Variants in GRIP1 observed in about 807,000 individuals in gnomAD.
GRIP1 encodes glutamate receptor interacting protein 1, also known as glutamate receptor-interacting protein 1.
Under a neutral mutation model 129.9 loss-of-function variants are expected in GRIP1, and 45 were observed. The ratio of observed to expected loss-of-function variants is 0.35; its 90% CI spans 0.27 to 0.44. The LOEUF is 0.44. GRIP1 is among the 20% of genes least tolerant of loss of function. The pLI is 1.00. For missense variants in GRIP1, 1,196 were observed against 1,396.8 expected, an observed-to-expected ratio of 0.86 and a Z score of 2.29; for synonymous variants, 530 against 520.8, an observed-to-expected ratio of 1.02 and a Z score of -0.24.
chr12:66,700,582 G>C (rs1338176575), intron 1 of GRIP1, among the ~76,000 whole-genome samples: 2 of 152,240 alleles, frequency 1.3e-5, no homozygotes, highest in Non-Finnish European at 1.5e-5. Flanking sequence ...TGAGTAGCTA[G>C]GATGACAGGT....
chr12:66,462,403 A>G (rs2059159955), intron 9 of GRIP1, among the ~76,000 whole-genome samples: 1 of 152,202 alleles, frequency 6.6e-6, no homozygotes, highest in African/African-American at 2.4e-5. Context: ...CAAAATGTAT[A>G]CCAGGAAGTC....
intron 16 of GRIP1, among the ~76,000 whole-genome samples, chr12:66,401,609 T>TACACACAC (rs71096099): frequency 1.4e-4 from 15 of 110,144 alleles, no homozygotes; most frequent in South Asian, 6.5e-4. Flanking sequence ...TATATATATA[T>TACACACAC]ACACACACAC....
chr12:66,607,904 T>C (rs768621519), intron 1 of GRIP1, among the ~76,000 whole-genome samples: 38 of 152,274 alleles, frequency 2.5e-4, no homozygotes, highest in Non-Finnish European at 4.3e-4. Flanking sequence ...AACTCACTTT[T>C]TTATAGACTT....
intron 7 of GRIP1, among the ~76,000 whole-genome samples, chr12:66,469,829 A>T (rs940035218): frequency 1.3e-5 from 2 of 152,110 alleles, no homozygotes; most frequent in Admixed American, 1.3e-4. Flanking sequence ...CACTTAGAAC[A>T]ATTTTTGGAT....
At chr12:66,530,975 G>C (rs1026983651) in intron 4 of GRIP1, among the ~76,000 whole-genome samples, 1 of 151,642 alleles carries the variant, frequency 6.6e-6, no homozygotes, top group Non-Finnish European at 1.5e-5. Context: ...GGTGGCTCAC[G>C]CCTGTAATCC....
chr12:66,587,767 G>C (rs1308548576), intron 2 of GRIP1, among the ~76,000 whole-genome samples: 2 of 152,186 alleles, frequency 1.3e-5, no homozygotes, highest in Non-Finnish European at 2.9e-5. Flanking sequence ...CGGGTGAAGG[G>C]CAAGGGATCA....
At chr12:66,545,810 C>T (rs1277506885) in intron 2 of GRIP1, among the ~76,000 whole-genome samples, 2 of 152,102 alleles carry the variant, frequency 1.3e-5, no homozygotes. Flanking sequence ...TAGCAATGAA[C>T]ATATGTACCT....
rs199740150 is a variant in GRIP1 at position 66,678,841 on chromosome 12, G to T, written c.55+9C>A. The T allele has an allele frequency of 4.2e-5, 67 of 1,612,256 alleles. No individual in the cohort carries two copies. The African/African-American group carries it at 7.7e-4, about 19-fold the overall frequency. ...ACTCGCTGAGGGAATAACAAGGAAA[G>T]CACGATACCTTTAGTAAGTCGCCTC... is the stretch of plus-strand genomic sequence containing the variant. On this transcript the variant is annotated intron_variant, in intron 1 of 24. Coordinates refer to ENST00000359742, the MANE Select transcript of GRIP1 (RefSeq NM_001366722.1).
At chr12:66,930,314 T>A (rs12821539) in intron 1 of GRIP1, among the ~76,000 whole-genome samples, 25,470 of 136,156 alleles carry the variant, frequency 0.19, 2,455 homozygotes, top group Non-Finnish European at 0.22. Context: ...TGTCCATGTG[T>A]TCTCATTGTT....
chr12:66,367,544 T>C (rs2055225751), intron 23 of GRIP1, among the ~76,000 whole-genome samples: 1 of 152,194 alleles, frequency 6.6e-6, no homozygotes, highest in Non-Finnish European at 1.5e-5. Flanking sequence ...GGGTTCACAC[T>C]CCAAACTACT....
chr12:66,966,689 A>T (rs1446292870), intron 1 of GRIP1, among the ~76,000 whole-genome samples: 2 of 152,152 alleles, frequency 1.3e-5, no homozygotes, highest in African/African-American at 4.8e-5. Flanking sequence ...CATCAATTAA[A>T]ATTTGTCTGA....
chr12:66,352,446 G>A (rs981193068), intron 24 of GRIP1, among the ~76,000 whole-genome samples: 3 of 152,106 alleles, frequency 2.0e-5, no homozygotes, highest in Non-Finnish European at 4.4e-5. Flanking sequence ...GAGAGTATAC[G>A]AAGAGGTTGC....
At chr12:66,821,608 A>G (rs759455225) in intron 1 of GRIP1, among the ~76,000 whole-genome samples, 1 of 152,236 alleles carries the variant, frequency 6.6e-6, no homozygotes, top group Non-Finnish European at 1.5e-5. Context: ...TTTAATTTTT[A>G]GTGGCATTAA....
At chr12:66,699,460 A>G (rs1282817786) in intron 1 of GRIP1, among the ~76,000 whole-genome samples, 1 of 152,134 alleles carries the variant, frequency 6.6e-6, no homozygotes, top group Non-Finnish European at 1.5e-5. Flanking sequence ...CATGGTAGTG[A>G]ATAAGTCTCA....
chr12:66,983,203 C>A lies in GRIP1; in HGVS notation c.58+85847G>T, dbSNP rs532691223. ...TTGTTACAAAAGAAAAAGAAACATT[C>A]TTTGAGTCCTGTTATTTATAGCCAA... On this transcript the variant is annotated intron_variant, in intron 1 of 1. Transcript: ENST00000643019. Among the ~76,000 whole-genome samples, 4 of 152,164 alleles carry A rather than the reference C, an allele frequency of 2.6e-5. No individual in the cohort carries two copies. The South Asian group carries it at 6.2e-4, about 24-fold the overall frequency.
At chr12:66,779,753 C>T (rs1023764099) in intron 1 of GRIP1, among the ~76,000 whole-genome samples, 1 of 151,960 alleles carries the variant, frequency 6.6e-6, no homozygotes, top group Non-Finnish European at 1.5e-5. Flanking sequence ...TTGGGGGGAC[C>T]CAGTAAACAA....
intron 7 of GRIP1, among the ~76,000 whole-genome samples, chr12:66,507,524 TC>T (rs1029594795): frequency 3.7e-4 from 57 of 152,042 alleles, no homozygotes; most frequent in South Asian, 2.1e-4. Flanking sequence ...TATCTTGATA[TC>T]CCCCCAAAAT....
intron 7 of GRIP1, among the ~76,000 whole-genome samples, chr12:66,477,068 G>A (rs2059639123): frequency 6.6e-6 from 1 of 152,108 alleles, no homozygotes; most frequent in Non-Finnish European, 1.5e-5. Flanking sequence ...TATTCAATTA[G>A]GAAAAGAGGA....
intron 1 of GRIP1, among the ~76,000 whole-genome samples, chr12:66,995,532 T>A (rs1250781514): frequency 6.6e-6 from 1 of 151,986 alleles, no homozygotes; most frequent in Non-Finnish European, 1.5e-5. Flanking sequence ...GGGTAAATAA[T>A]CTCAACAGAC....
Sources: allele counts gnomAD v4.1 joint callset (sites outside exome capture counted in the v4.1 genomes callset), GRCh38; gene constraint gnomAD v4.1.1; transcripts MANE v1.5; gene names NCBI Gene and HGNC (gene_info 2026-07-23, HGNC 2026-07-21).